The following SEC24D variants were observed in gnomAD, a reference collection of about 807,000 sequenced individuals.
SEC24D encodes the protein protein transport protein Sec24D.
In SEC24D, 69 loss-of-function variants were observed where a neutral mutation model predicts 116.9. That is an observed-to-expected ratio of 0.59 (90% CI 0.49 to 0.72). The LOEUF (loss-of-function observed/expected upper bound fraction) is 0.72, where lower values mean the gene tolerates loss of function less well. SEC24D is among the 30% of genes least tolerant of loss of function. The probability of loss-of-function intolerance (pLI) is 0.00; values close to 1 mark genes in which losing one functional copy is unlikely to be tolerated. For missense variants in SEC24D, 1,131 were observed against 1,264.1 expected (o/e 0.89, Z 1.60); for synonymous variants, 405 against 442.8 (o/e 0.91, Z 1.07).
At chr4:118,771,574 G>A (rs1408526578) in intron 8 of SEC24D, among the ~76,000 whole-genome samples, 1 of 151,590 alleles carries the variant, frequency 6.6e-6, no homozygotes, top group Non-Finnish European at 1.5e-5. Context: ...TCTTGTGTAT[G>A]TATATAAACA....
intron 8 of SEC24D, among the ~76,000 whole-genome samples, chr4:118,779,902 T>C (rs1054585671): frequency 6.6e-6 from 1 of 152,252 alleles, no homozygotes; most frequent in African/African-American, 2.4e-5. Context: ...GAGGTGTTTA[T>C]AGTATTCCTG....
intron 2 of SEC24D, among the ~76,000 whole-genome samples, chr4:118,831,938 C>T (rs1730876783): frequency 6.6e-6 from 1 of 152,254 alleles, no homozygotes; most frequent in East Asian, 1.9e-4. Flanking sequence ...CACAATGGCT[C>T]ACACCTATAA....
At chr4:118,736,361 T>G (rs1304011911) in intron 19 of SEC24D, 1 of 160,378 alleles carries the variant, frequency 6.2e-6, no homozygotes, top group Non-Finnish European at 1.4e-5. Flanking sequence ...TTCCTTAGAT[T>G]TTGTACCCTA....
chr4:118,732,635 C>G, intron 20 of SEC24D, 98 bp downstream of exon 20: 1 of 1,211,880 alleles, frequency 8.3e-7, no homozygotes, highest in Non-Finnish European at 1.2e-6. Context: ...TAACTTTCCT[C>G]TTAAGAACAA....
intron 13 of SEC24D, 151 bp downstream of exon 13, chr4:118,751,845 C>T (rs1726853821): frequency 4.8e-6 from 3 of 631,198 alleles, no homozygotes; most frequent in Non-Finnish European, 8.5e-6. Flanking sequence ...TGGTCATTTC[C>T]TCCTGAGATC....
chr4:118,785,084 T>A (rs1223577996), intron 8 of SEC24D, among the ~76,000 whole-genome samples: 8 of 152,146 alleles, frequency 5.3e-5, no homozygotes, highest in Non-Finnish European at 1.2e-4. Context: ...AGATGACTCC[T>A]AAATACAAGA....
chr4:118,778,306 G>C (rs1205088704), intron 8 of SEC24D, among the ~76,000 whole-genome samples: 1 of 152,194 alleles, frequency 6.6e-6, no homozygotes, highest in Non-Finnish European at 1.5e-5. Context: ...AAGGGATTCA[G>C]TTTCAGCTTT....
chr4:118,758,669 C>T (rs949631388), intron 10 of SEC24D: 1 of 152,084 alleles, frequency 6.6e-6, no homozygotes, highest in African/African-American at 2.4e-5. Flanking sequence ...TAATTTTTAA[C>T]TTCATAATAA....
intron 8 of SEC24D, among the ~76,000 whole-genome samples, chr4:118,778,537 G>A (rs1578424400): frequency 6.6e-6 from 1 of 152,210 alleles, no homozygotes; most frequent in African/African-American, 2.4e-5. Flanking sequence ...AAGTCAGGTA[G>A]TGTGATGCCT....
chr4:118,725,966 T>C (rs1298468271), intron 22 of SEC24D, among the ~76,000 whole-genome samples: 2 of 152,194 alleles, frequency 1.3e-5, no homozygotes, highest in African/African-American at 4.8e-5. Flanking sequence ...TTTACATTTC[T>C]AAAGGGAGGG....
chr4:118,751,917 C>T (rs1438876662), intron 13 of SEC24D, 79 bp downstream of exon 13: 1 of 1,002,138 alleles, frequency 1.0e-6, no homozygotes, highest in Non-Finnish European at 1.5e-6. Flanking sequence ...TCTTTTCTTT[C>T]ATAAATGAAA....
At chr4:118,728,176 A>G (rs1725502119) in intron 22 of SEC24D, among the ~76,000 whole-genome samples, 1 of 152,240 alleles carries the variant, frequency 6.6e-6, no homozygotes, top group Admixed American at 6.5e-5. Context: ...AAAACTTTTC[A>G]GAGATTATAA....
Position 118,744,110 on chromosome 4 carries a change from A to C in SEC24D, c.1873T>G (p.Cys625Gly). The C allele has an allele frequency of 1.2e-6, 2 of 1,613,166 alleles. No individual in the cohort carries two copies. The highest frequency in any genetic ancestry group is 2.2e-5 in the South Asian group (2 of 90,964). Residue 625 changes from cysteine (C) to glycine (G), a missense_variant, in exon 15 of 23, where the codon TGC (cysteine) becomes GGC (glycine). Physicochemically the swap from Cys to Gly is radical, Grantham distance 159 (BLOSUM62 -3). Transcript: ENST00000280551. Reference protein sequence around the residue: ...TNVYDSLAKDCVAHGCSVTLF... With the variant: ...TNVYDSLAKDGVAHGCSVTLF... ...GTCACAGAGCAGCCGTGAGCCACGC[A>C]GTCCTTGGCCAATGAGTCATAGACA...
chr4:118,740,561 T>C, intron 17 of SEC24D, 102 bp downstream of exon 17: 1 of 1,330,850 alleles, frequency 7.5e-7, no homozygotes, highest in East Asian at 2.4e-5. Context: ...GTTGAATTTT[T>C]TTATGAAGAG....
intron 13 of SEC24D, 107 bp from the exon 14 acceptor site, chr4:118,745,167 T>C (rs1350785501): frequency 1.5e-6 from 1 of 668,082 alleles, no homozygotes; most frequent in East Asian, 2.6e-5. Flanking sequence ...CTAAGCACTA[T>C]ATTCATTTAA....
intron 11 of SEC24D, among the ~76,000 whole-genome samples, chr4:118,753,181 C>T (rs188575097): frequency 1.1e-4 from 17 of 152,058 alleles, no homozygotes; most frequent in African/African-American, 3.4e-4. Flanking sequence ...CTATAGAAAA[C>T]AATAATGCTT....
In SEC24D at chr4:118,740,977, C is replaced by CAATA; in HGVS notation, c.2055_2056insTATT (p.Gly686TyrfsTer4). On this transcript the variant is annotated frameshift_variant, in exon 16 of 23. Transcript: ENST00000280551. LOFTEE classifies it high-confidence loss of function. ...CGAACCCTCATAATAGCATCAAAGC[C>CAATA]TATTTTCTTTTCAATATCATTTCTG... is the stretch of plus-strand genomic sequence containing the variant. 6.3e-7 allele frequency: 1 copy of CAATA among 1,598,834 alleles called. No homozygotes were observed. The highest frequency in any genetic ancestry group is 8.5e-7 in the Non-Finnish European group (1 of 1,171,132).
At chr4:118,793,194 G>C (rs900308144) in intron 8 of SEC24D, among the ~76,000 whole-genome samples, 3 of 152,130 alleles carry the variant, frequency 2.0e-5, no homozygotes, top group African/African-American at 7.2e-5. Flanking sequence ...CCGGCCGGGC[G>C]CGGTGGCTCA....
chr4:118,751,176 C>CTTTTTT lies in SEC24D; in HGVS notation c.1707+814_1707+819dup, dbSNP rs1185148886. 9.6e-4 allele frequency among the ~76,000 whole-genome samples: 96 copies of CTTTTTT among 100,318 alleles called. 2 individuals are homozygous for CTTTTTT. Among genetic ancestry groups the CTTTTTT allele is most frequent in the African/African-American group, 2.7e-3 (80 of 29,148 alleles). 65.8% of individuals were successfully genotyped at this position (100,318 alleles called of 152,430 possible). Reference sequence around the variant, plus strand: ...TAATAATGATGATTTAGAGTGAGGGCTTTTTTTTTTTTTTTTTTTGAGATG... The same window carrying CTTTTTT: ...TAATAATGATGATTTAGAGTGAGGGCTTTTTTTTTTTTTTTTTTTTTTTTTGAGATG... On this transcript the variant is annotated intron_variant, in intron 13 of 22. Coordinates refer to ENST00000280551, the MANE Select transcript of SEC24D (RefSeq NM_014822.4).
Sources: allele counts gnomAD v4.1 joint callset (sites outside exome capture counted in the v4.1 genomes callset), GRCh38; gene constraint gnomAD v4.1.1; transcripts MANE v1.5; gene names NCBI Gene and HGNC (gene_info 2026-07-23, HGNC 2026-07-21).